CLIC4: variants seen among roughly 807,000 people sequenced by gnomAD.
The protein encoded by CLIC4 is CLIC family member 4, also known as chloride intracellular channel protein 4.
In CLIC4, 13 loss-of-function variants were observed where a neutral mutation model predicts 24.6. The ratio of observed to expected loss-of-function variants is 0.53; its 90% CI spans 0.34 to 0.84. The LOEUF (loss-of-function observed/expected upper bound fraction) is 0.84, where lower values mean the gene tolerates loss of function less well. Among genes scored for constraint, CLIC4 ranks in the 40% least tolerant of loss-of-function variants. CLIC4 has a pLI of 0.01. For synonymous variants in CLIC4, 104 were observed against 111.3 expected (o/e 0.93, Z 0.41); for missense variants, 227 against 301.7 (o/e 0.75, Z 1.83).
At chr1:24,826,686 A>T (rs536059375) in intron 3 of CLIC4, among the ~76,000 whole-genome samples, 1 of 152,220 alleles carries the variant, frequency 6.6e-6, no homozygotes, top group South Asian at 2.1e-4. Flanking sequence ...TGCTCTAGCA[A>T]TCTCATTCCA....
chr1:24,814,299 G>T, intron 3 of CLIC4, 80 bp downstream of exon 3: 1 of 1,450,338 alleles, frequency 6.9e-7, no homozygotes, highest in Admixed American at 2.0e-5. Context: ...GATCTTTCTC[G>T]CAGCATTAAT....
chr1:24,828,690 G>A (rs548601502), intron 4 of CLIC4, among the ~76,000 whole-genome samples: 36 of 151,262 alleles, frequency 2.4e-4, no homozygotes, highest in East Asian at 5.8e-4. Context: ...AGGATGGGGC[G>A]GGGTGGGGGT....
At chr1:24,766,306 AT>A (rs1364862298) in intron 1 of CLIC4, among the ~76,000 whole-genome samples, 2 of 150,884 alleles carry the variant, frequency 1.3e-5, no homozygotes, top group African/African-American at 4.9e-5. Flanking sequence ...CCCGGCCTAT[AT>A]TTTTAATAGA....
chr1:24,814,045 G>A (rs1639644001), intron 2 of CLIC4, 49 bp from the exon 3 acceptor site: 1 of 1,610,356 alleles, frequency 6.2e-7, no homozygotes, highest in East Asian at 2.2e-5. Context: ...TATTATTGTT[G>A]TTTAAGAGTA....
intron 1 of CLIC4, chr1:24,771,974 G>A: frequency 2.8e-6 from 1 of 354,362 alleles, no homozygotes; most frequent in Non-Finnish European, 5.7e-6. Context: ...TTAAGCTTAG[G>A]CTTAGGCAGA....
chr1:24,767,175 A>T (rs1206179572), intron 1 of CLIC4, among the ~76,000 whole-genome samples: 1 of 152,034 alleles, frequency 6.6e-6, no homozygotes, highest in Non-Finnish European at 1.5e-5. Flanking sequence ...GACAAGCTTG[A>T]TGTAGTGGCT....
In CLIC4 at chr1:24,817,887, G is replaced by T. The variant is rs560643690; in HGVS notation, c.308+3668G>T. 9.2e-5 allele frequency among the ~76,000 whole-genome samples: 14 copies of T among 152,290 alleles called. No homozygotes were observed. In the South Asian group the frequency reaches 2.5e-3, roughly 27 times the overall value. ...TTATTTTGTCTCAGGGAGCAGGAAG[G>T]CCTGAGGAGAGGGAAAGACAGGGGA... On this transcript the variant is annotated intron_variant, in intron 3 of 5. Coordinates refer to ENST00000374379, the MANE Select transcript of CLIC4 (RefSeq NM_013943.3).
rs1385306355 is a variant in CLIC4, at chr1:24,843,734, A to G, written c.*2797A>G. ...TGTATACAATTAAGAGATTTCTGAC[A>G]TTTATTCTTACACTAAATGGATCAA... On this transcript the variant is annotated 3_prime_UTR_variant, in exon 6 of 6. Transcript: ENST00000374379. The G allele has an allele frequency of 1.3e-5, 2 of 152,714 alleles. No homozygotes were observed. The highest frequency in any genetic ancestry group is 4.8e-5 in the African/African-American group (2 of 41,572). The allele number at this position is 152,714 out of a possible 1,614,324, so 9.5% of individuals were successfully genotyped here.
chr1:24,835,326 G>T (rs1040300499), intron 4 of CLIC4, among the ~76,000 whole-genome samples: 2 of 152,238 alleles, frequency 1.3e-5, no homozygotes, highest in African/African-American at 4.8e-5. Context: ...ACTTGGGGAG[G>T]CCAAGGCAGG....
chr1:24,777,503 C>T (rs1311153030), intron 1 of CLIC4, among the ~76,000 whole-genome samples: 2 of 152,080 alleles, frequency 1.3e-5, no homozygotes, highest in East Asian at 1.9e-4. Context: ...GAGATCACGC[C>T]GCTGCACTCT....
At chr1:24,749,902 C>T (rs1309837822) in intron 1 of CLIC4, among the ~76,000 whole-genome samples, 1 of 152,098 alleles carries the variant, frequency 6.6e-6, no homozygotes, top group East Asian at 1.9e-4. Flanking sequence ...CGAGACCAGC[C>T]TGGGCAACGT....
At chr1:24,814,811 C>T (rs1363923782) in intron 3 of CLIC4, among the ~76,000 whole-genome samples, 1 of 152,174 alleles carries the variant, frequency 6.6e-6, no homozygotes, top group Non-Finnish European at 1.5e-5. Context: ...GTAATATTGG[C>T]ATAGATTCAA....
At chr1:24,755,174 G>C (rs7519392) in intron 1 of CLIC4, among the ~76,000 whole-genome samples, 88,627 of 151,234 alleles carry the variant, frequency 0.59, 28,157 homozygotes, top group Non-Finnish European at 0.71. Context: ...CACCATGTTG[G>C]TCAGGCTTGT....
chr1:24,776,700 G>A (rs1338149305), intron 1 of CLIC4, among the ~76,000 whole-genome samples: 1 of 152,084 alleles, frequency 6.6e-6, no homozygotes, highest in Non-Finnish European at 1.5e-5. Flanking sequence ...CAGCACTTTG[G>A]GAGGCTGAGG....
intron 1 of CLIC4, among the ~76,000 whole-genome samples, chr1:24,790,079 T>G (rs1391471509): frequency 6.6e-6 from 1 of 152,210 alleles, no homozygotes; most frequent in Non-Finnish European, 1.5e-5. Context: ...TTTATTTTTA[T>G]TTTTATTTGT....
chr1:24,782,198 G>A (rs1236803621), intron 1 of CLIC4, among the ~76,000 whole-genome samples: 2 of 152,156 alleles, frequency 1.3e-5, no homozygotes, highest in Admixed American at 6.5e-5. Flanking sequence ...CTAACTCAGA[G>A]GAGGAACCAC....
In CLIC4 at chr1:24,840,030, C is replaced by T. The variant is rs1313732571; in HGVS notation, c.586C>T (p.His196Tyr). The change falls in exon 5 of 6, where the codon CAT (histidine) becomes TAT (tyrosine). Residue 196 changes from histidine (H) to tyrosine (Y), a missense_variant. Transcript: ENST00000374379. ...TGATTGCAACCTGCTGCCCAAACTG[C>T]ATATTGTCAAGGTAGGTCTGTAGGG... Reference protein sequence around the residue: ...LADCNLLPKLHIVKVVAKKYR... With the variant: ...LADCNLLPKLYIVKVVAKKYR... 9 of 1,613,728 alleles carry T rather than the reference C, an allele frequency of 5.6e-6. No homozygotes were observed. The highest frequency in any genetic ancestry group is 7.6e-6 in the Non-Finnish European group (9 of 1,179,840).
At chr1:24,771,875 A>C (rs1482905829) in intron 1 of CLIC4, 1 of 514,344 alleles carries the variant, frequency 1.9e-6, no homozygotes, top group Non-Finnish European at 3.9e-6. Context: ...TTGATCTGCT[A>C]CCTCATCTGT....
intron 1 of CLIC4, among the ~76,000 whole-genome samples, chr1:24,789,422 A>G (rs1212519772): frequency 6.6e-6 from 1 of 152,154 alleles, no homozygotes; most frequent in Non-Finnish European, 1.5e-5. Flanking sequence ...GGAGGTTGAG[A>G]CAGGAGAATC....
Sources: allele counts gnomAD v4.1 joint callset (sites outside exome capture counted in the v4.1 genomes callset), GRCh38; gene constraint gnomAD v4.1.1; transcripts MANE v1.5; gene names NCBI Gene and HGNC (gene_info 2026-07-23, HGNC 2026-07-21).